The following RELCH variants were observed in gnomAD, a reference collection of about 807,000 sequenced individuals.
RELCH encodes RAB11 binding and LisH domain, coiled-coil and HEAT repeat containing, also known as RAB11-binding protein RELCH.
In RELCH, 41 loss-of-function variants were observed where a neutral mutation model predicts 150.3. The ratio of observed to expected loss-of-function variants is 0.27; its 90% CI spans 0.21 to 0.35. The LOEUF (loss-of-function observed/expected upper bound fraction) is 0.35. RELCH is among the 10% of genes least tolerant of loss of function. The probability of loss-of-function intolerance (pLI) is 1.00; values close to 1 mark genes in which losing one functional copy is unlikely to be tolerated. For missense variants in RELCH, 1,092 were observed against 1,467.8 expected (o/e 0.74, Z 4.18); for synonymous variants, 478 against 531.8 (o/e 0.90, Z 1.39).
chr18:62,239,230 G>T (rs911068749), intron 10 of RELCH, among the ~76,000 whole-genome samples: 1 of 152,010 alleles, frequency 6.6e-6, no homozygotes, highest in Non-Finnish European at 1.5e-5. Flanking sequence ...GTTTCCTAAA[G>T]ATTGAGCCCT....
At position 62,298,110 on chromosome 18, in the gene RELCH, A is replaced by T. The variant is rs1210222513; in HGVS notation, c.3460-680A>T. 2.0e-5 allele frequency among the ~76,000 whole-genome samples: 3 copies of T among 150,214 alleles called. No individual in the cohort carries two copies. The East Asian group carries it at 6.0e-4, about 30-fold the overall frequency. On this transcript the variant is annotated intron_variant, in intron 27 of 28. Transcript: ENST00000644646. ...TTGCTTTATCCCCCCCCGTCTAAAA[A>T]GATACCTAGCCCGTAGTAGGTAGAC... is the stretch of plus-strand genomic sequence containing the variant.
chr18:62,221,333 T>C (rs1412264833), intron 4 of RELCH, 51 bp from the exon 5 acceptor site: 1 of 1,544,344 alleles, frequency 6.5e-7, no homozygotes, highest in South Asian at 1.1e-5. Flanking sequence ...AACATAAATA[T>C]TGAAGGAGGA....
chr18:62,244,258 G>C (rs1014664737), intron 10 of RELCH, among the ~76,000 whole-genome samples: 2 of 152,006 alleles, frequency 1.3e-5, no homozygotes, highest in African/African-American at 4.8e-5. Context: ...CTATGAAAAT[G>C]GTCTTTTTAG....
At chr18:62,294,740 T>A (rs954226282) in intron 27 of RELCH, among the ~76,000 whole-genome samples, 4 of 152,244 alleles carry the variant, frequency 2.6e-5, no homozygotes, top group African/African-American at 9.6e-5. Context: ...GAAATTTTTT[T>A]AAATTGACTT....
chr18:62,278,102 C>T (rs2044313249), intron 22 of RELCH: 1 of 152,378 alleles, frequency 6.6e-6, no homozygotes, highest in South Asian at 2.1e-4. Flanking sequence ...ATTGATAGCT[C>T]TTAAATGTAC....
At chr18:62,283,404 T>A (rs1282863900) in intron 25 of RELCH, among the ~76,000 whole-genome samples, 4 of 152,188 alleles carry the variant, frequency 2.6e-5, no homozygotes, top group Non-Finnish European at 5.9e-5. Flanking sequence ...AGCTCTTTTA[T>A]TTTTAGCAAT....
At chr18:62,246,112 T>C (rs181645261) in intron 11 of RELCH, 11 of 152,352 alleles carry the variant, frequency 7.2e-5, no homozygotes, top group Non-Finnish European at 1.2e-4. Flanking sequence ...TTCTCAGTGA[T>C]ATTTTTTATG....
At chr18:62,253,360 G>T (rs1018264265) in intron 12 of RELCH, among the ~76,000 whole-genome samples, 3 of 151,400 alleles carry the variant, frequency 2.0e-5, no homozygotes, top group East Asian at 3.9e-4. Flanking sequence ...AATATATAAG[G>T]TGTAAATCTT....
At chr18:62,265,769 T>C (rs1034903957) in intron 18 of RELCH, among the ~76,000 whole-genome samples, 1 of 152,020 alleles carries the variant, frequency 6.6e-6, no homozygotes, top group Non-Finnish European at 1.5e-5. Flanking sequence ...AAATGAAGAA[T>C]TTGCTTCAGT....
intron 10 of RELCH, among the ~76,000 whole-genome samples, chr18:62,233,807 TTTTTA>T (rs2041726189): frequency 6.6e-6 from 1 of 151,938 alleles, no homozygotes; most frequent in African/African-American, 2.4e-5. Flanking sequence ...AGTTTTAGCT[TTTTTA>T]TTTTAATTTT....
In RELCH at chr18:62,307,685, C is replaced by T. The variant is rs1406414091; in HGVS notation, c.*2151C>T. 3.3e-5 allele frequency: 5 copies of T among 150,816 alleles called. No individual in the cohort carries two copies. The highest frequency in any genetic ancestry group is 7.4e-5 in the Non-Finnish European group (5 of 67,992). The allele number at this position is 150,816 out of a possible 1,614,324, so 9.3% of individuals were successfully genotyped here. ...AGGGCATAAAACTCCCATACTCATTCCTTTTAAACAGAAGTAAACTTACGG... is the reference window on the plus strand; with the variant it reads ...AGGGCATAAAACTCCCATACTCATTTCTTTTAAACAGAAGTAAACTTACGG... On this transcript the variant is annotated 3_prime_UTR_variant, in exon 29 of 29. Coordinates refer to ENST00000644646, the MANE Select transcript of RELCH (RefSeq NM_001346231.2).
At chr18:62,221,001 G>A in intron 2 of RELCH, 36 bp from the exon 3 acceptor site, 1 of 1,520,652 alleles carries the variant, frequency 6.6e-7, no homozygotes, top group Non-Finnish European at 9.0e-7. Context: ...TTCTTGGTTG[G>A]ATGCCTGTGT....
intron 27 of RELCH, among the ~76,000 whole-genome samples, chr18:62,296,050 C>G (rs2045392787): frequency 6.6e-6 from 1 of 152,078 alleles, no homozygotes; most frequent in Non-Finnish European, 1.5e-5. Context: ...TTACTGATTT[C>G]TATCTTAACT....
intron 23 of RELCH, among the ~76,000 whole-genome samples, chr18:62,280,135 G>A (rs2044426646): frequency 6.6e-6 from 1 of 152,058 alleles, no homozygotes; most frequent in Non-Finnish European, 1.5e-5. Flanking sequence ...TATGCTGATG[G>A]ACTGTTTCTT....
intron 11 of RELCH, among the ~76,000 whole-genome samples, chr18:62,249,632 A>C (rs527743063): frequency 6.6e-6 from 1 of 152,062 alleles, no homozygotes; most frequent in African/African-American, 2.4e-5. Context: ...CTGGTCTTAG[A>C]GTCTATTTTC....
chr18:62,234,934 T>A (rs1211528392), intron 10 of RELCH: 1 of 152,004 alleles, frequency 6.6e-6, no homozygotes, highest in Non-Finnish European at 1.5e-5. Flanking sequence ...TTTTCCATTT[T>A]TATGAAATCT....
chr18:62,289,722 T>C (rs1343223712), intron 26 of RELCH, among the ~76,000 whole-genome samples: 2 of 152,230 alleles, frequency 1.3e-5, no homozygotes, highest in Non-Finnish European at 2.9e-5. Context: ...CTAACCATCA[T>C]TCACCAGTGA....
intron 26 of RELCH, among the ~76,000 whole-genome samples, chr18:62,288,237 G>GAA (rs918324842): frequency 1.3e-5 from 2 of 151,956 alleles, no homozygotes; most frequent in Non-Finnish European, 2.9e-5. Context: ...ATGAGAGATT[G>GAA]AAAAAAGAGT....
chr18:62,280,460 C>T (rs2044448978), intron 23 of RELCH, 186 bp from the exon 24 acceptor site: 6 of 1,601,318 alleles, frequency 3.7e-6, no homozygotes, highest in East Asian at 4.5e-5. Flanking sequence ...TCACAGACTG[C>T]GACCTTAAGT....
Sources: gnomAD v4.1 joint callset for allele counts (sites outside exome capture counted in the v4.1 genomes callset) on GRCh38, gnomAD v4.1.1 for gene constraint, MANE v1.5 for transcripts, NCBI Gene and HGNC (gene_info 2026-07-23, HGNC 2026-07-21) for gene names.